TASP1: variants seen among roughly 807,000 people sequenced by gnomAD.
TASP1 encodes threonine aspartase 1.
TASP1 carries 16 observed loss-of-function variants against 56.6 expected under a neutral mutation model. The observed-to-expected ratio is 0.28, with a 90% CI of 0.19 to 0.43. The LOEUF (loss-of-function observed/expected upper bound fraction) is 0.43, where lower values mean the gene tolerates loss of function less well. TASP1 is among the 20% of genes least tolerant of loss of function. The probability of loss-of-function intolerance (pLI) is 1.00; values close to 1 mark genes in which losing one functional copy is unlikely to be tolerated. For synonymous variants in TASP1, 179 were observed against 184.2 expected, an observed-to-expected ratio of 0.97 and a Z score of 0.23; for missense variants, 393 against 511.6, an observed-to-expected ratio of 0.77 and a Z score of 2.24.
chr20:13,241,706 C>A, the TASP1 span, among the ~76,000 whole-genome samples: 4 of 152,036 alleles, frequency 2.6e-5, no homozygotes, highest in Non-Finnish European at 5.9e-5. Context: ...GATACTGGAG[C>A]AAGTAAGGTT....
chr20:13,157,960 T>C, the TASP1 span, among the ~76,000 whole-genome samples: 1 of 152,376 alleles, frequency 6.6e-6, no homozygotes, highest in East Asian at 1.9e-4. Flanking sequence ...AAATATAGTC[T>C]GTAGCCAGTT....
chr20:13,221,219 A>ACTCCTCCTCCTCCTCCTCCTCCTCCTC, the TASP1 span, among the ~76,000 whole-genome samples: 5 of 82,772 alleles, frequency 6.0e-5, no homozygotes, highest in African/African-American at 8.2e-5. Flanking sequence ...AAGCCCTCCT[A>ACTCCTCCTCCTCCTCCTCCTCCTCCTC]CTCCTCCTCC....
In TASP1 at chr20:13,458,934, G is replaced by A. The variant is rs540019729; in HGVS notation, c.986-23780C>T. 2.0e-4 allele frequency among the ~76,000 whole-genome samples: 31 copies of A among 152,254 alleles called. 3 individuals carry two copies. Among genetic ancestry groups the A allele is most frequent in the African/African-American group, 7.2e-4 (30 of 41,564 alleles). The stretch of plus-strand genomic sequence containing the variant: ...GTTTAAAATTTTGGCAAATGTAAAT[G>A]AGGTTTATGGAAACAATATTCATGT... On this transcript the variant is annotated intron_variant, in intron 11 of 13. Coordinates refer to ENST00000337743, the MANE Select transcript of TASP1 (RefSeq NM_017714.3).
At chr20:13,434,195 T>G (rs1290291866) in intron 12 of TASP1, among the ~76,000 whole-genome samples, 1 of 152,180 alleles carries the variant, frequency 6.6e-6, no homozygotes, top group Non-Finnish European at 1.5e-5. Context: ...CACTTTGTGA[T>G]AATTCATCAA....
At chr20:13,582,065 AAACC>A (rs954883730) in intron 5 of TASP1, among the ~76,000 whole-genome samples, 14 of 152,024 alleles carry the variant, frequency 9.2e-5, no homozygotes, top group Non-Finnish European at 1.3e-4. Flanking sequence ...ACTCCAAGAA[AAACC>A]AATTGTAGAA....
At chr20:13,636,315 T>A (rs1479592670) in intron 1 of TASP1, among the ~76,000 whole-genome samples, 4 of 148,864 alleles carry the variant, frequency 2.7e-5, no homozygotes, top group African/African-American at 9.8e-5. Flanking sequence ...CGGGCTAATT[T>A]TTTTTTTTTT....
intron 13 of TASP1, among the ~76,000 whole-genome samples, chr20:13,411,490 G>C (rs80347276): frequency 0.041 from 6,203 of 152,162 alleles, 399 homozygotes; most frequent in African/African-American, 0.14. Context: ...CCTAGTACAG[G>C]TCTTTCATCT....
intron 3 of TASP1, among the ~76,000 whole-genome samples, chr20:13,624,204 T>C (rs1238550528): frequency 3.3e-5 from 5 of 152,164 alleles, no homozygotes; most frequent in African/African-American, 1.2e-4. Context: ...ACTGTATTCC[T>C]AATTAAACTT....
the TASP1 span, among the ~76,000 whole-genome samples, chr20:13,125,177 C>T: frequency 3.3e-5 from 5 of 152,240 alleles, no homozygotes; most frequent in South Asian, 2.1e-4. Context: ...CTCACCACTG[C>T]GGCATTAGAT....
At chr20:13,616,344 GA>G (rs1405456701) in intron 4 of TASP1, among the ~76,000 whole-genome samples, 2 of 152,040 alleles carry the variant, frequency 1.3e-5, no homozygotes, top group African/African-American at 4.8e-5. Flanking sequence ...AACTCCCAGA[GA>G]AAAACAAGGG....
At chr20:13,117,468 G>C in the TASP1 span, 1 of 1,526,476 alleles carries the variant, frequency 6.6e-7, no homozygotes, top group Non-Finnish European at 8.8e-7. Flanking sequence ...TCCCAGGAGG[G>C]TATTTGTTAG....
the TASP1 span, among the ~76,000 whole-genome samples, chr20:13,144,764 T>C: frequency 6.6e-6 from 1 of 152,126 alleles, no homozygotes; most frequent in African/African-American, 2.4e-5. Flanking sequence ...TGTGTGTGTG[T>C]GTGTATATAT....
chr20:13,519,176 G>C (rs1261774582), intron 10 of TASP1, among the ~76,000 whole-genome samples: 1 of 152,070 alleles, frequency 6.6e-6, no homozygotes, highest in Non-Finnish European at 1.5e-5. Flanking sequence ...AGGACTACTA[G>C]AGTGCGGAGG....
chr20:13,347,696 T>G, the TASP1 span, among the ~76,000 whole-genome samples: 2 of 152,086 alleles, frequency 1.3e-5, no homozygotes, highest in African/African-American at 4.8e-5. Context: ...AAAAATTAGC[T>G]GGGTGTTTTG....
At chr20:13,439,707 T>C (rs1024734612) in intron 11 of TASP1, among the ~76,000 whole-genome samples, 3 of 151,320 alleles carry the variant, frequency 2.0e-5, no homozygotes, top group Non-Finnish European at 4.4e-5. Context: ...TTTGGGCAAG[T>C]GTCCTGAGCA....
chr20:13,213,934 T>A, the TASP1 span, among the ~76,000 whole-genome samples: 4 of 152,146 alleles, frequency 2.6e-5, no homozygotes, highest in Non-Finnish European at 5.9e-5. Flanking sequence ...AGAATGTTAA[T>A]GGCACAAAAG....
chr20:13,349,722 A>G, the TASP1 span, among the ~76,000 whole-genome samples: 2 of 152,350 alleles, frequency 1.3e-5, no homozygotes, highest in East Asian at 3.9e-4. Flanking sequence ...CAAGAAATCT[A>G]CAAAAAAGCA....
intron 8 of TASP1, among the ~76,000 whole-genome samples, chr20:13,545,122 T>C (rs1601192327): frequency 6.6e-6 from 1 of 152,042 alleles, no homozygotes; most frequent in East Asian, 1.9e-4. Context: ...TTATTCAAAA[T>C]CATAAATACA....
intron 8 of TASP1, among the ~76,000 whole-genome samples, chr20:13,549,923 A>C (rs1478089033): frequency 6.6e-6 from 1 of 152,152 alleles, no homozygotes; most frequent in Non-Finnish European, 1.5e-5. Flanking sequence ...TATTCTGACA[A>C]ACCACAGGTT....
Sources: gnomAD v4.1 joint callset for allele counts (sites outside exome capture counted in the v4.1 genomes callset) on GRCh38, gnomAD v4.1.1 for gene constraint, MANE v1.5 for transcripts, NCBI Gene and HGNC (gene_info 2026-07-23, HGNC 2026-07-21) for gene names.